Variants in ADAM12 observed in about 807,000 individuals in gnomAD.
ADAM12 encodes disintegrin and metalloproteinase domain-containing protein 12.
Under a neutral mutation model 106.4 loss-of-function variants are expected in ADAM12, and 70 were observed. The ratio of observed to expected loss-of-function variants is 0.66; its 90% CI spans 0.54 to 0.80. The LOEUF is 0.80. ADAM12 is among the 30% of genes least tolerant of loss of function. ADAM12 has a pLI of 0.00. For missense variants in ADAM12, 1,010 were observed against 1,171.9 expected (o/e 0.86, Z 2.02); for synonymous variants, 420 against 433.5 (o/e 0.97, Z 0.39).
At chr10:126,110,258 G>A (rs903950609) in intron 6 of ADAM12, among the ~76,000 whole-genome samples, 4 of 152,102 alleles carry the variant, frequency 2.6e-5, no homozygotes, top group African/African-American at 9.7e-5. Flanking sequence ...AGAAGACGAC[G>A]GAGTTCAATG....
chr10:126,078,657 G>T (rs1334921664), intron 11 of ADAM12, among the ~76,000 whole-genome samples: 2 of 152,068 alleles, frequency 1.3e-5, no homozygotes, highest in Non-Finnish European at 2.9e-5. Flanking sequence ...CCTGCTTTTA[G>T]CTAGGTGATA....
At chr10:126,252,577 C>T (rs1958808238) in intron 3 of ADAM12, among the ~76,000 whole-genome samples, 1 of 152,164 alleles carries the variant, frequency 6.6e-6, no homozygotes, top group Non-Finnish European at 1.5e-5. Context: ...AGTGTCCCAG[C>T]TCCAGAAGAG....
At chr10:126,093,859 A>C in intron 11 of ADAM12, 126 bp downstream of exon 11, 31 of 1,410,412 alleles carry the variant, frequency 2.2e-5, no homozygotes, top group Non-Finnish European at 2.0e-5. Context: ...TTGGGAAGGA[A>C]TTACTTTTTG....
At chr10:126,277,520 T>C (rs1351623479) in intron 3 of ADAM12, among the ~76,000 whole-genome samples, 1 of 152,142 alleles carries the variant, frequency 6.6e-6, no homozygotes, top group African/African-American at 2.4e-5. Context: ...GCTTCTTCCA[T>C]TGAGATATTT....
At position 126,038,365 on chromosome 10, in the gene ADAM12, A is replaced by ATACC; in HGVS notation, c.2241-20_2241-17dup. 3 of 1,542,328 alleles carry ATACC rather than the reference A, an allele frequency of 1.9e-6. No individual in the cohort carries two copies. The highest frequency in any genetic ancestry group is 2.6e-6 in the Non-Finnish European group (3 of 1,140,258). The stretch of plus-strand genomic sequence containing the variant: ...GCGCACACACCTGCAACAGAATCCC[A>ATACC]TACCTGCTGACCAAGCGTGTTTCCC... On this transcript the variant is annotated splice_polypyrimidine_tract_variant and intron_variant, in intron 19 of 22. Coordinates refer to ENST00000448723, the MANE Select transcript of ADAM12 (RefSeq NM_001288973.2).
At chr10:126,039,504 T>A in intron 18 of ADAM12, 75 bp from the exon 19 acceptor site, 1 of 1,574,506 alleles carries the variant, frequency 6.4e-7, no homozygotes, top group Non-Finnish European at 8.7e-7. Context: ...TTGTGACGTT[T>A]ATGGCAAAGT....
At chr10:126,163,782 CT>C (rs1016296143) in intron 3 of ADAM12, among the ~76,000 whole-genome samples, 4 of 152,180 alleles carry the variant, frequency 2.6e-5, no homozygotes, top group Non-Finnish European at 5.9e-5. Flanking sequence ...TCCTCCCACA[CT>C]GGGTTGAGCT....
At chr10:126,387,122 T>C (rs1456569625) in intron 1 of ADAM12, among the ~76,000 whole-genome samples, 2 of 152,136 alleles carry the variant, frequency 1.3e-5, no homozygotes. Context: ...ATCACAGAAC[T>C]TGAGAGCTTG....
chr10:126,260,687 G>A (rs930211538), intron 3 of ADAM12, among the ~76,000 whole-genome samples: 2 of 152,178 alleles, frequency 1.3e-5, no homozygotes, highest in African/African-American at 4.8e-5. Flanking sequence ...CGGCACTTAA[G>A]AGAAACATTG....
rs1207999115 is a variant in ADAM12, at chr10:126,041,930, C to T, written c.2104+1110G>A. 1.4e-5 allele frequency: 20 copies of T among 1,414,170 alleles called. No homozygotes were observed. The East Asian group carries it at 2.1e-4, about 15-fold the overall frequency. The allele number at this position is 1,414,170 out of a possible 1,614,324, so 87.6% of individuals were successfully genotyped here. A position where few individuals can be genotyped will look rare whatever the true frequency, so the allele number is the denominator to read the frequency against. ...TTTAGCAGAAGCTCAACCAGGAAGT[C>T]GCTGCCCTTCCTTGCACTGTTTCTG... On this transcript the variant is annotated intron_variant, in intron 18 of 22. Coordinates refer to ENST00000448723, the MANE Select transcript of ADAM12 (RefSeq NM_001288973.2).
At chr10:126,373,390 C>T (rs1446488528) in intron 1 of ADAM12, among the ~76,000 whole-genome samples, 2 of 152,204 alleles carry the variant, frequency 1.3e-5, no homozygotes, top group Non-Finnish European at 1.5e-5. Context: ...ATTAGCACAT[C>T]TCACCCCTGC....
chr10:126,336,923 T>C (rs1486615716), intron 1 of ADAM12, among the ~76,000 whole-genome samples: 1 of 152,232 alleles, frequency 6.6e-6, no homozygotes, highest in African/African-American at 2.4e-5. Flanking sequence ...CTTGCATTCC[T>C]TGCTATTCAG....
chr10:126,149,710 G>T (rs748776474), intron 4 of ADAM12, among the ~76,000 whole-genome samples: 1 of 152,136 alleles, frequency 6.6e-6, no homozygotes, highest in Admixed American at 6.5e-5. Flanking sequence ...CTTGAACATC[G>T]GACTTCAAGT....
intron 4 of ADAM12, among the ~76,000 whole-genome samples, chr10:126,152,476 C>T (rs1005461272): frequency 1.2e-4 from 18 of 151,948 alleles, no homozygotes; most frequent in Non-Finnish European, 2.1e-4. Flanking sequence ...CTCCTTTTAT[C>T]ATTACAGAAT....
chr10:126,047,245 C>T (rs1210956932), intron 16 of ADAM12, among the ~76,000 whole-genome samples: 1 of 152,110 alleles, frequency 6.6e-6, no homozygotes, highest in East Asian at 1.9e-4. Context: ...TAGAACCTTC[C>T]TATTGAGGAG....
chr10:126,328,646 T>C (rs1255404433), intron 2 of ADAM12, among the ~76,000 whole-genome samples: 1 of 152,198 alleles, frequency 6.6e-6, no homozygotes, highest in East Asian at 1.9e-4. Context: ...AAACTATATG[T>C]TGAGATGAGC....
chr10:126,198,335 GAAGTGTA>G (rs1957636012), intron 3 of ADAM12, among the ~76,000 whole-genome samples: 12 of 152,346 alleles, frequency 7.9e-5, no homozygotes, highest in Non-Finnish European at 1.0e-4. Context: ...CTGGTCTAAT[GAAGTGTA>G]AGACGACAGA....
rs746312497 is a variant in ADAM12 at position 126,080,598 on chromosome 10, G to GC, written c.1146-8945dup. Among the ~76,000 whole-genome samples, 34 of 152,228 alleles carry GC rather than the reference G, an allele frequency of 2.2e-4. No homozygotes were observed. The East Asian group carries it at 2.3e-3, about 10-fold the overall frequency. On this transcript the variant is annotated intron_variant, in intron 11 of 22. Transcript: ENST00000448723. The stretch of plus-strand genomic sequence containing the variant: ...CCAAAGCCGTGGCAGGGTGACTGTG[G>GC]CCCCCGCTACGATGTGACCTCTTTT...
chr10:126,123,867 C>T (rs1956155683), intron 5 of ADAM12, among the ~76,000 whole-genome samples: 5 of 152,118 alleles, frequency 3.3e-5, no homozygotes, highest in African/African-American at 9.7e-5. Flanking sequence ...GCTTTGAAAA[C>T]CAGCGGCCTT....
Sources: gnomAD v4.1 joint callset for allele counts (sites outside exome capture counted in the v4.1 genomes callset) on GRCh38, gnomAD v4.1.1 for gene constraint, MANE v1.5 for transcripts, NCBI Gene and HGNC (gene_info 2026-07-23, HGNC 2026-07-21) for gene names.